Variants in YEATS2 observed in about 807,000 individuals in gnomAD.
YEATS2 encodes YEATS domain-containing protein 2.
YEATS2 carries 77 observed loss-of-function variants against 163.2 expected under a neutral mutation model. The ratio of observed to expected loss-of-function variants is 0.47; its 90% confidence interval spans 0.39 to 0.57. YEATS2 has a LOEUF of 0.57. Among genes scored for constraint, YEATS2 ranks in the 20% least tolerant of loss-of-function variants. The pLI, the probability that YEATS2 is intolerant of heterozygous loss-of-function variation, is 0.00. For missense variants in YEATS2, 1,549 were observed against 1,729.8 expected, an observed-to-expected ratio of 0.90 and a Z score of 1.85; for synonymous variants, 631 against 645.1, an observed-to-expected ratio of 0.98 and a Z score of 0.33.
At chr3:183,739,213 A>G (rs575075987) in intron 8 of YEATS2, among the ~76,000 whole-genome samples, 1 of 152,120 alleles carries the variant, frequency 6.6e-6, no homozygotes, top group Admixed American at 6.5e-5. Flanking sequence ...AGAAAACCCC[A>G]TCGTCTCAGC....
At chr3:183,800,901 C>T (rs76873673) in intron 24 of YEATS2, 2,406 of 221,530 alleles carry the variant, frequency 0.011, 56 homozygotes, top group African/African-American at 0.052. Context: ...GGTGTGTACA[C>T]GCTTTGTGAC....
At chr3:183,759,338 A>G (rs262992) in intron 13 of YEATS2, among the ~76,000 whole-genome samples, 62,328 of 152,132 alleles carry the variant, frequency 0.41, 13,458 homozygotes, top group East Asian at 0.65. Context: ...TAGTGTCACA[A>G]ATGCTTCACA....
intron 8 of YEATS2, among the ~76,000 whole-genome samples, chr3:183,745,156 C>T (rs1452872355): frequency 6.6e-6 from 1 of 152,156 alleles, no homozygotes; most frequent in African/African-American, 2.4e-5. Flanking sequence ...TGGCCCCTGC[C>T]CACTATTCCT....
chr3:183,704,589 T>C (rs899032020), intron 1 of YEATS2, among the ~76,000 whole-genome samples: 2 of 152,146 alleles, frequency 1.3e-5, no homozygotes, highest in African/African-American at 4.8e-5. Flanking sequence ...TTTGCAGTAA[T>C]TTGAGACTTT....
chr3:183,761,325 G>T (rs1004219502), intron 13 of YEATS2, among the ~76,000 whole-genome samples, 182 bp from the exon 14 acceptor site: 2 of 152,038 alleles, frequency 1.3e-5, no homozygotes, highest in Non-Finnish European at 2.9e-5. Flanking sequence ...GACCTCAGGC[G>T]ATCCACCCAC....
chr3:183,725,368 T>C (rs1716977052), intron 6 of YEATS2, among the ~76,000 whole-genome samples: 1 of 152,198 alleles, frequency 6.6e-6, no homozygotes. Context: ...CAAATCTTCA[T>C]TTTGTCTCTC....
At chr3:183,724,963 G>A (rs1716916806) in intron 6 of YEATS2, among the ~76,000 whole-genome samples, 1 of 149,536 alleles carries the variant, frequency 6.7e-6, no homozygotes, top group Non-Finnish European at 1.5e-5. Flanking sequence ...GGCTGGTCTT[G>A]AACTCCCGAC....
intron 19 of YEATS2, among the ~76,000 whole-genome samples, chr3:183,781,184 C>T (rs1032854614): frequency 1.3e-4 from 20 of 152,054 alleles, no homozygotes; most frequent in African/African-American, 3.9e-4. Flanking sequence ...AGGAGTCCCA[C>T]GACATGCTGT....
At chr3:183,775,475 G>C (rs1024265267) in intron 17 of YEATS2, among the ~76,000 whole-genome samples, 2 of 152,144 alleles carry the variant, frequency 1.3e-5, no homozygotes, top group Non-Finnish European at 2.9e-5. Flanking sequence ...CACGCCTGTA[G>C]TCCCAGCTCC....
At chr3:183,750,830 A>G (rs1720083293) in intron 9 of YEATS2, among the ~76,000 whole-genome samples, 3 of 152,172 alleles carry the variant, frequency 2.0e-5, no homozygotes, top group African/African-American at 7.2e-5. Flanking sequence ...AGTTATTCAT[A>G]TATTCTGGAT....
At chr3:183,769,267 A>G (rs1560292420) in intron 15 of YEATS2, among the ~76,000 whole-genome samples, 2 of 59,184 alleles carry the variant, frequency 3.4e-5, no homozygotes, top group African/African-American at 7.8e-5. Context: ...CATGTTGTAT[A>G]ATTCACTCAA....
intron 4 of YEATS2, among the ~76,000 whole-genome samples, chr3:183,721,360 A>G (rs13080012): frequency 6.6e-6 from 1 of 152,192 alleles, no homozygotes; most frequent in Non-Finnish European, 1.5e-5. Flanking sequence ...AACAGAATAC[A>G]CTGTATTTTG....
intron 21 of YEATS2, among the ~76,000 whole-genome samples, chr3:183,792,446 G>C (rs946172207): frequency 1.3e-5 from 2 of 152,144 alleles, no homozygotes; most frequent in Non-Finnish European, 2.9e-5. Flanking sequence ...ATGGCTTCCA[G>C]CTTCATCCAT....
intron 28 of YEATS2, 184 bp from the exon 29 acceptor site, chr3:183,807,846 A>G: frequency 1.8e-6 from 1 of 553,290 alleles, no homozygotes; most frequent in South Asian, 2.4e-5. Flanking sequence ...AATGTGGAAA[A>G]ACAAGATAAC....
At chr3:183,797,788 T>G (rs971552431) in intron 21 of YEATS2, 135 bp from the exon 22 acceptor site, 20 of 1,067,902 alleles carry the variant, frequency 1.9e-5, no homozygotes, top group Non-Finnish European at 2.3e-5. Flanking sequence ...GTCTCCTGCT[T>G]CTTGCTCTTT....
Position 183,797,990 on chromosome 3 carries a change from C to T in YEATS2, c.3165C>T (p.Leu1055=). ...QQAVLTIPSQ[L]KPLSVNTSGG... ...CCGTCCTGACGATTCCCAGCCAGCT[C>T]AAACCACTCAGCGTAAACACATCTG... Residue 1055 remains leucine, a synonymous_variant, in exon 22 of 31, where the codon CTC becomes CTT. Transcript: ENST00000305135. The T allele has an allele frequency of 6.2e-7, 1 of 1,614,166 alleles. No individual in the cohort carries two copies. The highest frequency in any genetic ancestry group is 8.5e-7 in the Non-Finnish European group (1 of 1,180,008).
At chr3:183,803,706 T>C (rs971605602) in intron 26 of YEATS2, 11 of 489,718 alleles carry the variant, frequency 2.2e-5, no homozygotes, top group African/African-American at 4.1e-5. Context: ...GGTGCTGTGG[T>C]GAGTTTAGGG....
At chr3:183,726,247 T>C (rs1232103780) in intron 6 of YEATS2, among the ~76,000 whole-genome samples, 1 of 152,216 alleles carries the variant, frequency 6.6e-6, no homozygotes, top group African/African-American at 2.4e-5. Flanking sequence ...ATTGTGTCAA[T>C]GTGTGTAAGT....
chr3:183,758,074 T>C (rs1423493639), intron 12 of YEATS2, among the ~76,000 whole-genome samples: 2 of 152,080 alleles, frequency 1.3e-5, no homozygotes, highest in East Asian at 3.9e-4. Context: ...ATGTTTAATG[T>C]TGGCCAGGCG....
Sources: gnomAD v4.1 joint callset for allele counts (sites outside exome capture counted in the v4.1 genomes callset) on GRCh38, gnomAD v4.1.1 for gene constraint, MANE v1.5 for transcripts, NCBI Gene and HGNC (gene_info 2026-07-23, HGNC 2026-07-21) for gene names.